MAD1L1: variants seen among roughly 807,000 people sequenced by gnomAD.
MAD1L1 encodes the protein mitotic spindle assembly checkpoint protein MAD1.
In MAD1L1, 95 loss-of-function variants were observed where a neutral mutation model predicts 96.9. That is an observed-to-expected ratio of 0.98 (90% CI 0.83 to 1.16). MAD1L1 has a LOEUF of 1.16. Ranked by LOEUF, MAD1L1 falls within the 50% of genes most tolerant of loss-of-function variation. The pLI is 0.00. For missense variants in MAD1L1, 1,007 were observed against 954.4 expected (o/e 1.06, Z -0.73); for synonymous variants, 473 against 396.6 (o/e 1.19, Z -2.29).
intron 12 of MAD1L1, among the ~76,000 whole-genome samples, chr7:2,067,246 G>C (rs987341880): frequency 6.7e-6 from 1 of 150,366 alleles, no homozygotes; most frequent in Non-Finnish European, 1.5e-5. Flanking sequence ...GGGTCATCAG[G>C]CCACGTTCGC....
At chr7:2,041,517 C>T (rs1187556288) in intron 12 of MAD1L1, among the ~76,000 whole-genome samples, 2 of 152,136 alleles carry the variant, frequency 1.3e-5, no homozygotes, top group African/African-American at 2.4e-5. Context: ...GCACCTGTTC[C>T]CCACACTCCC....
intron 11 of MAD1L1, among the ~76,000 whole-genome samples, chr7:2,136,090 A>G (rs1788735516): frequency 1.3e-5 from 2 of 151,966 alleles, no homozygotes; most frequent in Non-Finnish European, 2.9e-5. Flanking sequence ...AGGAAGCCGC[A>G]CTTGCCCCAC....
intron 11 of MAD1L1, among the ~76,000 whole-genome samples, chr7:2,123,304 C>CA (rs56201563): frequency 0.073 from 7,952 of 108,614 alleles, 502 homozygotes; most frequent in African/African-American, 0.19. Context: ...GACTCCATCT[C>CA]AAAAAAAAAA....
At chr7:1,886,093 G>A (rs1049516076) in intron 18 of MAD1L1, among the ~76,000 whole-genome samples, 5 of 152,230 alleles carry the variant, frequency 3.3e-5, no homozygotes, top group East Asian at 1.9e-4. Flanking sequence ...GCAGAGACCC[G>A]TGGGCATGTT....
chr7:2,015,803 G>T (rs868367844), intron 12 of MAD1L1, among the ~76,000 whole-genome samples: 1 of 152,218 alleles, frequency 6.6e-6, no homozygotes, highest in Non-Finnish European at 1.5e-5. Flanking sequence ...AGATCTTCAC[G>T]GGCATCTGGA....
intron 10 of MAD1L1, among the ~76,000 whole-genome samples, chr7:2,178,018 G>A (rs1791025148): frequency 6.6e-6 from 1 of 152,164 alleles, no homozygotes; most frequent in Admixed American, 6.5e-5. Context: ...ATAAACCCTA[G>A]ATCTAACAGG....
At chr7:1,958,306 G>A (rs993635728) in intron 15 of MAD1L1, among the ~76,000 whole-genome samples, 5 of 152,180 alleles carry the variant, frequency 3.3e-5, no homozygotes, top group African/African-American at 7.2e-5. Flanking sequence ...GGCCGCAACC[G>A]GAATGGGGCC....
chr7:2,084,869 ACT>A (rs958468768), intron 11 of MAD1L1, among the ~76,000 whole-genome samples: 23 of 151,930 alleles, frequency 1.5e-4, no homozygotes, highest in African/African-American at 5.6e-4. Context: ...AGAGCCTGCG[ACT>A]CTGTAGCCTT....
intron 16 of MAD1L1, among the ~76,000 whole-genome samples, chr7:1,942,894 A>C (rs1233599328): frequency 6.6e-6 from 1 of 152,222 alleles, no homozygotes; most frequent in Non-Finnish European, 1.5e-5. Context: ...CTACAAAGCC[A>C]CTGCAATCAG....
chr7:1,875,669 T>G (rs184997449), intron 18 of MAD1L1, among the ~76,000 whole-genome samples: 1 of 152,332 alleles, frequency 6.6e-6, no homozygotes, highest in East Asian at 1.9e-4. Flanking sequence ...AAGGGAACCC[T>G]GTTTAGTAAC....
chr7:2,068,305 G>C (rs1315451039), intron 12 of MAD1L1, among the ~76,000 whole-genome samples: 1 of 152,336 alleles, frequency 6.6e-6, no homozygotes, highest in East Asian at 1.9e-4. Context: ...GAGCCGCCCA[G>C]AGCGAGCTGG....
intron 15 of MAD1L1, among the ~76,000 whole-genome samples, chr7:1,967,514 C>T (rs916742793): frequency 1.3e-5 from 2 of 152,180 alleles, no homozygotes; most frequent in African/African-American, 4.8e-5. Flanking sequence ...AGCACGCAAA[C>T]ACTACGGTAA....
intron 15 of MAD1L1, among the ~76,000 whole-genome samples, chr7:1,960,100 T>G (rs969977804): frequency 2.0e-5 from 3 of 151,978 alleles, no homozygotes; most frequent in Admixed American, 1.3e-4. Flanking sequence ...AGACGTAATA[T>G]CACTTGAAGG....
chr7:1,846,629 T>G (rs1371801679), intron 18 of MAD1L1: 1 of 155,648 alleles, frequency 6.4e-6, no homozygotes, highest in Non-Finnish European at 1.4e-5. Context: ...AAGGAAAGGG[T>G]GACCGAGTGC....
intron 12 of MAD1L1, among the ~76,000 whole-genome samples, chr7:2,024,383 C>T (rs1471207402): frequency 6.6e-6 from 1 of 152,230 alleles, no homozygotes; most frequent in African/African-American, 2.4e-5. Flanking sequence ...CTGAGACACA[C>T]AGAGGGCCTT....
chr7:2,086,051 C>A (rs1455059894), intron 11 of MAD1L1, among the ~76,000 whole-genome samples: 1 of 152,206 alleles, frequency 6.6e-6, no homozygotes, highest in Non-Finnish European at 1.5e-5. Flanking sequence ...GGAATCCCAC[C>A]CTGCCCGGGA....
intron 15 of MAD1L1, among the ~76,000 whole-genome samples, chr7:1,970,906 C>T (rs553719423): frequency 1.3e-5 from 2 of 152,274 alleles, no homozygotes; most frequent in South Asian, 2.1e-4. Context: ...AGGGTACCAC[C>T]GCCCGCCCTT....
chr7:1,888,315 TG>T (rs1458677860), intron 18 of MAD1L1, among the ~76,000 whole-genome samples: 7 of 135,824 alleles, frequency 5.2e-5, no homozygotes, highest in Non-Finnish European at 1.1e-4. Context: ...TGACTGCCTA[TG>T]TGTGTGTGTG....
chr7:1,876,202 C>A (rs180746893), intron 18 of MAD1L1, among the ~76,000 whole-genome samples: 3 of 152,158 alleles, frequency 2.0e-5, no homozygotes, highest in Non-Finnish European at 2.9e-5. Context: ...AGGATGGTAG[C>A]GGCATGGCAG....
Sources: allele counts gnomAD v4.1 joint callset (sites outside exome capture counted in the v4.1 genomes callset), GRCh38; gene constraint gnomAD v4.1.1; transcripts MANE v1.5; gene names NCBI Gene and HGNC (gene_info 2026-07-23, HGNC 2026-07-21).